The following RFX7 variants were observed in gnomAD, a reference collection of about 807,000 sequenced individuals.
RFX7 encodes regulatory factor X7.
In RFX7, 26 loss-of-function variants were observed where a neutral mutation model predicts 111.8. The ratio of observed to expected loss-of-function variants is 0.23; its 90% CI spans 0.17 to 0.32. The LOEUF (loss-of-function observed/expected upper bound fraction) is 0.32, where lower values mean the gene tolerates loss of function less well. RFX7 is among the 10% of genes least tolerant of loss of function. RFX7 has a pLI of 1.00. For synonymous variants in RFX7, 624 were observed against 624.4 expected (o/e 1.00, Z 0.01); for missense variants, 1,573 against 1,772.9 (o/e 0.89, Z 2.02).
chr15:56,132,086 T>C (rs1190803552), intron 5 of RFX7, among the ~76,000 whole-genome samples: 1 of 152,010 alleles, frequency 6.6e-6, no homozygotes, highest in Non-Finnish European at 1.5e-5. Flanking sequence ...AGGGAAAACA[T>C]TAATGAAGGG....
Position 56,107,962 on chromosome 15 carries a change from T to C in RFX7, c.402-4292A>G, listed in dbSNP as rs149252903. ...AATAAACTAGAAAATCTAGAAGAAA[T>C]GGAAAAATTCCTGGACACATACACC... is the stretch of plus-strand genomic sequence containing the variant. On this transcript the variant is annotated intron_variant, in intron 5 of 9. Coordinates refer to ENST00000559447, the MANE Select transcript of RFX7 (RefSeq NM_022841.7). Among the ~76,000 whole-genome samples, 537 of 152,140 alleles carry C rather than the reference T, an allele frequency of 3.5e-3. 3 individuals carry two copies. Among genetic ancestry groups the C allele is most frequent in the African/African-American group, 0.012 (509 of 41,488 alleles).
chr15:56,111,149 C>T (rs2041924492), intron 5 of RFX7, among the ~76,000 whole-genome samples: 1 of 141,400 alleles, frequency 7.1e-6, no homozygotes, highest in Non-Finnish European at 1.6e-5. Context: ...GGGAGGTTTA[C>T]CCAACAGCTC....
chr15:56,213,047 G>A (rs1162156609), intron 2 of RFX7, among the ~76,000 whole-genome samples: 3 of 152,144 alleles, frequency 2.0e-5, no homozygotes, highest in Admixed American at 1.3e-4. Flanking sequence ...TTGAAAAACT[G>A]GATCACTCAG....
intron 3 of RFX7, among the ~76,000 whole-genome samples, chr15:56,156,881 C>G (rs2042659546): frequency 6.6e-6 from 1 of 152,164 alleles, no homozygotes; most frequent in African/African-American, 2.4e-5. Context: ...GCACCAGATT[C>G]ACTTAGTGAG....
At chr15:56,209,078 C>T (rs2682031) in intron 2 of RFX7, among the ~76,000 whole-genome samples, 1 of 151,712 alleles carries the variant, frequency 6.6e-6, no homozygotes, top group African/African-American at 2.4e-5. Context: ...CAACCAACAT[C>T]AATGTCAAAA....
rs574925401 is a variant in RFX7, at chr15:56,143,292, A to AAT, written c.279-394_279-393dup. Among the ~76,000 whole-genome samples the AAT allele has an allele frequency of 3.6e-3, 543 of 151,298 alleles. 1 individual carries two copies. The highest frequency in any genetic ancestry group is 0.011 in the African/African-American group (467 of 41,294). On this transcript the variant is annotated intron_variant, in intron 4 of 9. Transcript: ENST00000559447. ...TTCTATTTGCTCAGCATTCTCATATAATATATATATATACACACATATATA... is the reference window on the plus strand; with the variant it reads ...TTCTATTTGCTCAGCATTCTCATATAATATATATATATATACACACATATATA...
chr15:56,155,729 G>A lies in RFX7; in HGVS notation c.196-11246C>T, dbSNP rs191822514. ...GAATACCTATGTAACAAAACTGCAC[G>A]TTCTGCACATGTAACCCAGAACTTA... On this transcript the variant is annotated intron_variant, in intron 3 of 9. Transcript: ENST00000559447. Among the ~76,000 whole-genome samples the A allele has an allele frequency of 8.5e-5, 13 of 152,160 alleles. No individual in the cohort carries two copies. In the East Asian group the frequency reaches 1.2e-3, roughly 14 times the overall value.
Position 56,095,285 on chromosome 15 carries a change from C to T in RFX7, c.2443G>A (p.Asp815Asn). 6.2e-7 allele frequency: 1 copy of T among 1,613,918 alleles called. No homozygotes were observed. Among genetic ancestry groups the T allele is most frequent in the South Asian group, 1.1e-5 (1 of 91,030 alleles). ...MTIPEHSDIN[D>N]LEKSVWELEG... is the part of the protein sequence containing the mutation. ...AATTCCCAAACAGATTTCTCTAAGT[C>T]ATTGATATCAGAGTGCTCAGGAATT... The change falls in exon 10 of 10, where the codon GAC (aspartate) becomes AAC (asparagine). Residue 815 changes from aspartate (D) to asparagine (N), a missense_variant. Physicochemically the swap from Asp to Asn is conservative, Grantham distance 23. Coordinates refer to ENST00000559447, the MANE Select transcript of RFX7 (RefSeq NM_022841.7).
rs1446464402 is a variant in RFX7 at position 56,135,184 on chromosome 15, C to T, written c.401+7594G>A. Among the ~76,000 whole-genome samples, 13 of 152,252 alleles carry T rather than the reference C, an allele frequency of 8.5e-5. No individual in the cohort carries two copies. In the South Asian group the frequency reaches 1.5e-3, roughly 17 times the overall value. The stretch of plus-strand genomic sequence containing the variant: ...TTCTAGTTCTAGATCCCTGAGGAAT[C>T]GCCATACTGACTTCCACAATGGTTG... On this transcript the variant is annotated intron_variant, in intron 5 of 9. Coordinates refer to ENST00000559447, the MANE Select transcript of RFX7 (RefSeq NM_022841.7).
intron 2 of RFX7, among the ~76,000 whole-genome samples, chr15:56,220,015 C>T (rs1420333188): frequency 2.0e-5 from 3 of 152,126 alleles, no homozygotes; most frequent in Non-Finnish European, 2.9e-5. Flanking sequence ...TTCTTGACAG[C>T]CTTACCAGCA....
chr15:56,101,450 G>A lies in RFX7; in HGVS notation c.720C>T (p.Thr240=), dbSNP rs780999645. Residue 240 remains threonine (T), a synonymous_variant, in exon 8 of 10, where the codon ACC becomes ACT. Coordinates refer to ENST00000559447, the MANE Select transcript of RFX7 (RefSeq NM_022841.7). ...CAAGGAAGCGGGCTAATTCCAAGAC[G>A]GTGTCAAATGGTTGGCTTAACACTT... ...AQKVLSQPFD[T]VLELARFLVK... 3 of 1,613,464 alleles carry A rather than the reference G, an allele frequency of 1.9e-6. No individual in the cohort carries two copies. Among genetic ancestry groups the A allele is most frequent in the South Asian group, 1.1e-5 (1 of 91,014 alleles).
chr15:56,137,717 T>C (rs1366650213), intron 5 of RFX7, among the ~76,000 whole-genome samples: 1 of 152,088 alleles, frequency 6.6e-6, no homozygotes, highest in Non-Finnish European at 1.5e-5. Context: ...AGGGTGTCAA[T>C]TTTAGATCTT....
At position 56,095,775 on chromosome 15, in the gene RFX7, T is replaced by C. The variant is rs771850009; in HGVS notation, c.1953A>G (p.Leu651=). The part of the protein sequence containing the change: ...NGDSINKDPK[L]CTKSPRKRLS... ...GTCGTTTTCTTGGGCTTTTAGTGCA[T>C]AATTTAGGGTCTTTATTGATTGAGT... is the stretch of plus-strand genomic sequence containing the variant. Residue 651 remains leucine (L), a synonymous_variant, in exon 10 of 10, where the codon TTA becomes TTG. Coordinates refer to ENST00000559447, the MANE Select transcript of RFX7 (RefSeq NM_022841.7). The C allele has an allele frequency of 6.2e-7, 1 of 1,613,764 alleles. No individual in the cohort carries two copies. Among genetic ancestry groups the C allele is most frequent in the East Asian group, 2.2e-5 (1 of 44,892 alleles).
At chr15:56,228,384 G>A (rs2043509429) in intron 2 of RFX7, among the ~76,000 whole-genome samples, 1 of 151,846 alleles carries the variant, frequency 6.6e-6, no homozygotes, top group African/African-American at 2.4e-5. Flanking sequence ...TTATGTAATT[G>A]AACTATGTAA....
At chr15:56,149,388 C>G (rs1166982556) in intron 3 of RFX7, among the ~76,000 whole-genome samples, 1 of 152,190 alleles carries the variant, frequency 6.6e-6, no homozygotes, top group Non-Finnish European at 1.5e-5. Context: ...ACTGAAGGAT[C>G]CTTTTTACAT....
At chr15:56,153,369 A>C (rs527577607) in intron 3 of RFX7, among the ~76,000 whole-genome samples, 1 of 152,250 alleles carries the variant, frequency 6.6e-6, no homozygotes, top group Non-Finnish European at 1.5e-5. Context: ...ACCATGATCA[A>C]GTTTGCTTCA....
At chr15:56,156,957 G>T (rs546415220) in intron 3 of RFX7, among the ~76,000 whole-genome samples, 1 of 152,298 alleles carries the variant, frequency 6.6e-6, no homozygotes, top group African/African-American at 2.4e-5. Flanking sequence ...CTCAAGTGGG[G>T]ACCTGAAAAT....
chr15:56,239,041 C>T (rs1213479520), intron 2 of RFX7, among the ~76,000 whole-genome samples: 2 of 151,870 alleles, frequency 1.3e-5, no homozygotes, highest in African/African-American at 2.4e-5. Context: ...ACCGTGTTGC[C>T]CAGGCTGGTC....
At chr15:56,196,355 T>C (rs545062301) in intron 2 of RFX7, among the ~76,000 whole-genome samples, 1 of 152,246 alleles carries the variant, frequency 6.6e-6, no homozygotes, top group African/African-American at 2.4e-5. Flanking sequence ...TGAATGTATA[T>C]ACATTTACTA....
Sources: gnomAD v4.1 joint callset for allele counts (sites outside exome capture counted in the v4.1 genomes callset) on GRCh38, gnomAD v4.1.1 for gene constraint, MANE v1.5 for transcripts, NCBI Gene and HGNC (gene_info 2026-07-23, HGNC 2026-07-21) for gene names.